Variants in LMO7 observed in about 807,000 individuals in gnomAD.
The protein encoded by LMO7 is LIM domain only protein 7.
A neutral mutation model predicts 206.5 loss-of-function variants in LMO7; 120 were observed. That is an observed-to-expected ratio of 0.58 (90% CI 0.50 to 0.68). The LOEUF is 0.68. Ranked by LOEUF, LMO7 falls within the 30% of genes least tolerant of loss-of-function variation. The pLI, the probability that LMO7 is intolerant of heterozygous loss-of-function variation, is 0.00. For synonymous variants in LMO7, 706 were observed against 681.5 expected (o/e 1.04, Z -0.56); for missense variants, 1,959 against 1,957.9 (o/e 1.00, Z -0.01).
At chr13:75,788,628 A>G (rs1398851656) in intron 4 of LMO7, among the ~76,000 whole-genome samples, 1 of 152,118 alleles carries the variant, frequency 6.6e-6, no homozygotes, top group African/African-American at 2.4e-5. Flanking sequence ...TCATGAAATC[A>G]TGATTCACGG....
chr13:75,850,062 G>T (rs2060361552), intron 27 of LMO7, among the ~76,000 whole-genome samples: 1 of 152,186 alleles, frequency 6.6e-6, no homozygotes, highest in African/African-American at 2.4e-5. Context: ...AGGTTGCAGT[G>T]AGCTGAGATC....
chr13:75,762,825 T>C (rs1487544564), intron 4 of LMO7, among the ~76,000 whole-genome samples: 1 of 152,078 alleles, frequency 6.6e-6, no homozygotes, highest in African/African-American at 2.4e-5. Flanking sequence ...GATAATTCTA[T>C]CTCATTGGAC....
chr13:75,652,896 C>G (rs1358437704), intron 1 of LMO7, among the ~76,000 whole-genome samples: 2 of 152,052 alleles, frequency 1.3e-5, no homozygotes, highest in African/African-American at 2.4e-5. Context: ...ACAAGCAGAA[C>G]ATGAACATAA....
intron 3 of LMO7, among the ~76,000 whole-genome samples, chr13:75,737,045 A>G (rs2045883461): frequency 6.6e-6 from 1 of 152,226 alleles, no homozygotes; most frequent in South Asian, 2.1e-4. Flanking sequence ...CCTAAGCCCC[A>G]GTACCTTAGA....
At chr13:75,812,978 T>G (rs1311766249) in intron 11 of LMO7, among the ~76,000 whole-genome samples, 2 of 152,218 alleles carry the variant, frequency 1.3e-5, no homozygotes, top group Non-Finnish European at 2.9e-5. Context: ...ATCTCAAATC[T>G]GTGAGGCCGA....
chr13:75,773,568 C>A (rs1161542972), intron 4 of LMO7, among the ~76,000 whole-genome samples: 1 of 152,044 alleles, frequency 6.6e-6, no homozygotes, highest in Non-Finnish European at 1.5e-5. Flanking sequence ...GAAACAGATG[C>A]TAAAGATGTT....
intron 1 of LMO7, among the ~76,000 whole-genome samples, chr13:75,676,638 A>G (rs956778090): frequency 6.6e-6 from 1 of 152,228 alleles, no homozygotes; most frequent in African/African-American, 2.4e-5. Context: ...AATGCATTCC[A>G]TAGCCACTAC....
chr13:75,796,211 A>G (rs1470885735), intron 5 of LMO7, among the ~76,000 whole-genome samples: 1 of 152,226 alleles, frequency 6.6e-6, no homozygotes, highest in Admixed American at 6.5e-5. Context: ...GGAAATTGCA[A>G]GAATATCTAA....
At chr13:75,717,089 C>A (rs954234547) in intron 2 of LMO7, among the ~76,000 whole-genome samples, 1 of 151,856 alleles carries the variant, frequency 6.6e-6, no homozygotes, top group Non-Finnish European at 1.5e-5. Flanking sequence ...CTCGGCCGGG[C>A]GCGGTGGCTC....
chr13:75,774,986 A>T (rs1446768497), intron 4 of LMO7, among the ~76,000 whole-genome samples: 3 of 152,158 alleles, frequency 2.0e-5, no homozygotes, highest in Non-Finnish European at 4.4e-5. Flanking sequence ...CTATGAAGAA[A>T]AATAAAGCAG....
At chr13:75,680,403 G>A (rs2040377722) in intron 1 of LMO7, among the ~76,000 whole-genome samples, 1 of 152,136 alleles carries the variant, frequency 6.6e-6, no homozygotes, top group Admixed American at 6.5e-5. Context: ...TCCTCCTTAG[G>A]CTGTAGACCC....
intron 1 of LMO7, among the ~76,000 whole-genome samples, chr13:75,695,592 G>A (rs984359081): frequency 3.3e-5 from 5 of 152,178 alleles, no homozygotes; most frequent in Non-Finnish European, 5.9e-5. Flanking sequence ...TGATCTGCCC[G>A]CCTTGGCCTC....
chr13:75,784,136 A>G (rs567639772), intron 4 of LMO7, among the ~76,000 whole-genome samples: 108 of 152,294 alleles, frequency 7.1e-4, no homozygotes, highest in African/African-American at 2.4e-3. Context: ...GAGGTCAGGC[A>G]TGCCACTTAA....
At position 75,823,869 on chromosome 13, in the gene LMO7, C is replaced by A. The variant is rs376307236; in HGVS notation, c.2945C>A (p.Ser982Tyr). The change falls in exon 15 of 31, where the codon TCC becomes TAC. Residue 982 changes from serine (S) to tyrosine (Y), a missense_variant. Transcript: ENST00000377534. ...TCCCCACAAAGAGAAGTCTCAAGAT[C>A]CCAGGTGAGTTTGGAAAAGTTCTTT... ...EISPQREVSR[S>Y]QDQFSDMRIS... 5 of 1,612,560 alleles carry A rather than the reference C, an allele frequency of 3.1e-6. No individual in the cohort carries two copies. The Admixed American group carries it at 8.3e-5, about 27-fold the overall frequency.
Position 75,845,360 on chromosome 13 carries a change from T to C in LMO7, c.4131T>C (p.Asp1377=), listed in dbSNP as rs577236367. The change falls in exon 26 of 31, where the codon GAT becomes GAC. Residue 1377 remains aspartate (D), a synonymous_variant. Transcript: ENST00000377534. ...NKSRSTTELD[D]YSTNKNGNNK... Reference sequence around the variant, plus strand: ...CCAGATCTACTACTGAACTGGATGATTACTCCACAAATAAAAATGGTAAAT... The same window carrying C: ...CCAGATCTACTACTGAACTGGATGACTACTCCACAAATAAAAATGGTAAAT... 6 of 1,583,784 alleles carry C rather than the reference T, an allele frequency of 3.8e-6. No homozygotes were observed. Among genetic ancestry groups the C allele is most frequent in the Non-Finnish European group, 5.2e-6 (6 of 1,156,010 alleles).
chr13:75,652,541 A>G (rs1487120397), intron 1 of LMO7, among the ~76,000 whole-genome samples: 2 of 151,888 alleles, frequency 1.3e-5, no homozygotes, highest in Non-Finnish European at 2.9e-5. Context: ...ATTGACTTAA[A>G]TTCATGCTGC....
At chr13:75,743,289 G>T (rs1358901320) in intron 3 of LMO7, among the ~76,000 whole-genome samples, 1 of 152,136 alleles carries the variant, frequency 6.6e-6, no homozygotes, top group Non-Finnish European at 1.5e-5. Context: ...ACCAGTGTGG[G>T]AAGCTGTGTA....
intron 25 of LMO7, among the ~76,000 whole-genome samples, chr13:75,844,310 CAT>C (rs2059797633): frequency 6.6e-6 from 1 of 151,252 alleles, no homozygotes; most frequent in African/African-American, 2.4e-5. Context: ...TGGATTTACA[CAT>C]ATGTAATATA....
At chr13:75,713,390 C>A (rs999447465) in intron 2 of LMO7, 138 bp downstream of exon 2, 7 of 527,812 alleles carry the variant, frequency 1.3e-5, no homozygotes, top group African/African-American at 7.6e-5. Flanking sequence ...TTGATCCCTG[C>A]AAATTGATAC....
Sources: gnomAD v4.1 joint callset for allele counts (sites outside exome capture counted in the v4.1 genomes callset) on GRCh38, gnomAD v4.1.1 for gene constraint, MANE v1.5 for transcripts, NCBI Gene and HGNC (gene_info 2026-07-23, HGNC 2026-07-21) for gene names.